Variants in NUMB observed in about 807,000 individuals in gnomAD.
NUMB encodes the protein protein numb homolog.
NUMB carries 29 observed loss-of-function variants against 59.7 expected under a neutral mutation model. That is an observed-to-expected ratio of 0.49 (90% confidence interval 0.36 to 0.66). NUMB has a LOEUF of 0.66. Ranked by LOEUF, NUMB falls within the 30% of genes least tolerant of loss-of-function variation. The probability of loss-of-function intolerance (pLI) is 0.00; values close to 1 mark genes in which losing one functional copy is unlikely to be tolerated. For synonymous variants in NUMB, 288 were observed against 288.2 expected (o/e 1.00, Z 0.01); for missense variants, 723 against 822.0 (o/e 0.88, Z 1.47).
intron 3 of NUMB, among the ~76,000 whole-genome samples, chr14:73,361,385 T>C (rs1449611009): frequency 6.6e-6 from 1 of 152,216 alleles, no homozygotes; most frequent in Non-Finnish European, 1.5e-5. Flanking sequence ...TGTTCACTAA[T>C]ATAAATATGT....
chr14:73,325,602 A>T (rs2139931506), intron 4 of NUMB, among the ~76,000 whole-genome samples: 1 of 152,368 alleles, frequency 6.6e-6, no homozygotes, highest in Middle Eastern at 3.4e-3. Context: ...CCTTCTACTT[A>T]CATTAATTTT....
intron 1 of NUMB, among the ~76,000 whole-genome samples, chr14:73,435,221 A>C (rs1897998664): frequency 6.6e-6 from 1 of 152,104 alleles, no homozygotes; most frequent in Non-Finnish European, 1.5e-5. Context: ...TGAAGTATTA[A>C]AACGGTATAA....
chr14:73,347,763 C>T (rs1201233061), intron 4 of NUMB, among the ~76,000 whole-genome samples: 1 of 152,182 alleles, frequency 6.6e-6, no homozygotes, highest in Non-Finnish European at 1.5e-5. Context: ...TTTGAACAAG[C>T]CTATTTCACT....
chr14:73,363,980 A>C (rs1894214977), intron 3 of NUMB, among the ~76,000 whole-genome samples: 1 of 152,042 alleles, frequency 6.6e-6, no homozygotes, highest in Non-Finnish European at 1.5e-5. Flanking sequence ...ACTAAATCCA[A>C]CTGTATATTT....
At chr14:73,404,883 C>T (rs1252453888) in intron 2 of NUMB, among the ~76,000 whole-genome samples, 2 of 151,932 alleles carry the variant, frequency 1.3e-5, no homozygotes, top group Non-Finnish European at 2.9e-5. Context: ...GCCTCAGCCT[C>T]CAGAGTAGCT....
At chr14:73,357,589 C>A (rs1389946068) in intron 3 of NUMB, among the ~76,000 whole-genome samples, 2 of 151,376 alleles carry the variant, frequency 1.3e-5, no homozygotes, top group African/African-American at 4.9e-5. Flanking sequence ...ATGGTAAAAC[C>A]CCGTCTCTAC....
chr14:73,325,525 A>G (rs1026890562), intron 4 of NUMB, among the ~76,000 whole-genome samples: 1 of 152,234 alleles, frequency 6.6e-6, no homozygotes, highest in African/African-American at 2.4e-5. Context: ...TGCTAACTGA[A>G]GTATACATCC....
chr14:73,400,094 C>T (rs1466755836), intron 2 of NUMB, among the ~76,000 whole-genome samples: 1 of 151,940 alleles, frequency 6.6e-6, no homozygotes, highest in Non-Finnish European at 1.5e-5. Context: ...AATAAGCAAG[C>T]AAGTGAGCTA....
At chr14:73,308,849 G>A (rs929695948) in intron 6 of NUMB, among the ~76,000 whole-genome samples, 2 of 152,160 alleles carry the variant, frequency 1.3e-5, no homozygotes, top group Non-Finnish European at 2.9e-5. Context: ...GTGAATTGCT[G>A]CTGATAGTCT....
intron 2 of NUMB, among the ~76,000 whole-genome samples, chr14:73,386,644 C>A (rs1895538853): frequency 1.3e-5 from 2 of 152,044 alleles, no homozygotes; most frequent in South Asian, 4.1e-4. Flanking sequence ...CCTTAACTAC[C>A]AGGAAATTCT....
intron 12 of NUMB, among the ~76,000 whole-genome samples, chr14:73,277,823 C>T (rs376973595): frequency 1.3e-5 from 2 of 151,824 alleles, no homozygotes; most frequent in African/African-American, 2.4e-5. Context: ...TTTGGGAGGC[C>T]GAGGTGGGCA....
chr14:73,278,055 A>AC lies in NUMB; in HGVS notation c.1241-763_1241-762insG, dbSNP rs1208494083. On this transcript the variant is annotated intron_variant, in intron 12 of 12. Transcript: ENST00000555238. ...AGCGAGACTCCGTCTCAAAAAAAAAAAAAAAAAAAAAAACACCTAGCTTGC... is the reference window on the plus strand; with the variant it reads ...AGCGAGACTCCGTCTCAAAAAAAAAACAAAAAAAAAAAAACACCTAGCTTGC... 7.3e-4 allele frequency among the ~76,000 whole-genome samples: 109 copies of AC among 148,644 alleles called. 1 individual carries two copies. The highest frequency in any genetic ancestry group is 1.1e-3 in the Non-Finnish European group (77 of 67,400).
intron 7 of NUMB, among the ~76,000 whole-genome samples, chr14:73,293,109 G>A (rs145332412): frequency 1.8e-4 from 27 of 152,190 alleles, no homozygotes; most frequent in African/African-American, 6.3e-4. Flanking sequence ...TATGCTTGTT[G>A]ATTCTAGTTT....
intron 1 of NUMB, among the ~76,000 whole-genome samples, chr14:73,454,878 CA>C (rs987950812): frequency 6.6e-6 from 1 of 152,110 alleles, no homozygotes; most frequent in Non-Finnish European, 1.5e-5. Flanking sequence ...CTCATTCTTC[CA>C]TCATTTGGTG....
chr14:73,323,281 T>G, intron 4 of NUMB, 77 bp from the exon 5 acceptor site: 2 of 973,154 alleles, frequency 2.1e-6, no homozygotes, highest in Non-Finnish European at 3.2e-6. Context: ...TAGGTGAAAA[T>G]TGAATACAGG....
chr14:73,385,567 T>A lies in NUMB; in HGVS notation c.-100-18586A>T, dbSNP rs896559609. On this transcript the variant is annotated intron_variant, in intron 2 of 12. Coordinates refer to ENST00000555238, the MANE Select transcript of NUMB (RefSeq NM_001005743.2). The stretch of plus-strand genomic sequence containing the variant: ...CCCAGGCTGGAGTGCAGTGGCATGA[T>A]CTCAGCTCACGGTAACCTCCGCCTC... Among the ~76,000 whole-genome samples, 31 of 142,698 alleles carry A rather than the reference T, an allele frequency of 2.2e-4. No individual in the cohort carries two copies. In the Admixed American group the frequency reaches 2.4e-3, roughly 11 times the overall value. 93.6% of individuals were successfully genotyped at this position (142,698 alleles called of 152,430 possible).
At chr14:73,429,667 TG>T (rs35561715) in intron 1 of NUMB, among the ~76,000 whole-genome samples, 7,823 of 152,026 alleles carry the variant, frequency 0.051, 652 homozygotes, top group African/African-American at 0.18. Flanking sequence ...TAAAGCTGTG[TG>T]GCTGTAGCTC....
At chr14:73,309,218 G>A (rs1250138374) in intron 6 of NUMB, among the ~76,000 whole-genome samples, 1 of 152,018 alleles carries the variant, frequency 6.6e-6, no homozygotes. Flanking sequence ...TTAAAGAATA[G>A]GATCCAATAC....
intron 5 of NUMB, among the ~76,000 whole-genome samples, chr14:73,320,003 G>C (rs915249857): frequency 6.6e-6 from 1 of 152,018 alleles, no homozygotes; most frequent in Non-Finnish European, 1.5e-5. Flanking sequence ...GTGGTGGCGG[G>C]CACCTGTAAT....
Sources: gnomAD v4.1 joint callset for allele counts (sites outside exome capture counted in the v4.1 genomes callset) on GRCh38, gnomAD v4.1.1 for gene constraint, MANE v1.5 for transcripts, NCBI Gene and HGNC (gene_info 2026-07-23, HGNC 2026-07-21) for gene names.